The following MAPK10 variants were observed in gnomAD, a reference collection of about 807,000 sequenced individuals.
MAPK10 encodes the protein JNK3 alpha protein kinase.
In MAPK10, 25 loss-of-function variants were observed where a neutral mutation model predicts 59.3. The ratio of observed to expected loss-of-function variants is 0.42; its 90% confidence interval spans 0.31 to 0.59. The LOEUF is 0.59. Among genes scored for constraint, MAPK10 ranks in the 20% least tolerant of loss-of-function variants. The pLI, the probability that MAPK10 is intolerant of heterozygous loss-of-function variation, is 0.15. For synonymous variants in MAPK10, 190 were observed against 200.5 expected, an observed-to-expected ratio of 0.95 and a Z score of 0.44; for missense variants, 351 against 568.9, an observed-to-expected ratio of 0.62 and a Z score of 3.90.
intron 4 of MAPK10, chr4:86,107,553 G>C: frequency 8.4e-7 from 1 of 1,186,612 alleles, no homozygotes; most frequent in Non-Finnish European, 1.0e-6. Context: ...GGATGAAGAA[G>C]AGTTGGAGGA....
chr4:86,487,553 C>T (rs999650227), intron 1 of MAPK10, among the ~76,000 whole-genome samples: 1 of 151,862 alleles, frequency 6.6e-6, no homozygotes, highest in Admixed American at 6.6e-5. Flanking sequence ...CACAGTGAAA[C>T]CCCGTCTCTA....
chr4:86,409,187 G>T (rs1206561361), intron 1 of MAPK10, among the ~76,000 whole-genome samples: 1 of 152,126 alleles, frequency 6.6e-6, no homozygotes, highest in East Asian at 1.9e-4. Context: ...GTTTTTGTCA[G>T]ATTTGTCAAA....
At position 86,103,206 on chromosome 4, in the gene MAPK10, C is replaced by T. The variant is rs904589484; in HGVS notation, c.405G>A (p.Thr135=). ...SLLNVFTPQK[T]LEEFQDVYLV... ...CTTACACATCTTGGAACTCCTCCAG[C>T]GTTTTCTGGGGTGTGAAGACATTTA... is the stretch of plus-strand genomic sequence containing the variant. The change falls in exon 6 of 14, where the codon ACG becomes ACA. Residue 135 remains threonine, a synonymous_variant. Coordinates refer to ENST00000641462, the MANE Select transcript of MAPK10 (RefSeq NM_138982.4). 3 of 1,607,174 alleles carry T rather than the reference C, an allele frequency of 1.9e-6. No individual in the cohort carries two copies. Among genetic ancestry groups the T allele is most frequent in the African/African-American group, 1.3e-5 (1 of 74,462 alleles).
intron 1 of MAPK10, among the ~76,000 whole-genome samples, chr4:86,485,946 C>T (rs185455200): frequency 1.3e-4 from 20 of 152,258 alleles, no homozygotes; most frequent in South Asian, 4.1e-4. Flanking sequence ...AACTTCCAGC[C>T]GCCTGAGAAG....
At chr4:86,354,381 C>CT in intron 2 of MAPK10, 149 bp downstream of exon 2, 2 of 400,208 alleles carry the variant, frequency 5.0e-6, no homozygotes, top group Admixed American at 4.4e-5. Flanking sequence ...AACTATTAAA[C>CT]TTCTGTTCTA....
intron 1 of MAPK10, among the ~76,000 whole-genome samples, chr4:86,396,026 G>C (rs565247582): frequency 6.6e-6 from 1 of 152,322 alleles, no homozygotes; most frequent in South Asian, 2.1e-4. Context: ...GTGCAGGCAG[G>C]AGCCTTTTTT....
intron 1 of MAPK10, among the ~76,000 whole-genome samples, chr4:86,571,547 A>G (rs1009572329): frequency 1.1e-4 from 17 of 152,140 alleles, no homozygotes; most frequent in African/African-American, 4.1e-4. Flanking sequence ...GCATATGATC[A>G]AGTAACAATT....
intron 4 of MAPK10, among the ~76,000 whole-genome samples, chr4:86,139,509 T>C (rs1188998944): frequency 6.6e-6 from 1 of 151,778 alleles, no homozygotes; most frequent in Non-Finnish European, 1.5e-5. Context: ...GATCCCTTCC[T>C]TACACCTTAT....
Position 86,145,942 on chromosome 4 carries a change from A to G in MAPK10, c.236+13356T>C, listed in dbSNP as rs544944214. ...CCAAGAGCTCTTCTTTGCACCACCAATTTCACAGAAAAGGAGTCCGTCTAA... is the reference window on the plus strand; with the variant it reads ...CCAAGAGCTCTTCTTTGCACCACCAGTTTCACAGAAAAGGAGTCCGTCTAA... On this transcript the variant is annotated intron_variant, in intron 4 of 13. Transcript: ENST00000641462. Among the ~76,000 whole-genome samples, 87 of 152,322 alleles carry G rather than the reference A, an allele frequency of 5.7e-4. 1 individual carries two copies. The highest frequency in any genetic ancestry group is 1.9e-3 in the African/African-American group (81 of 41,572).
chr4:86,145,093 C>T (rs572536738), intron 4 of MAPK10, among the ~76,000 whole-genome samples: 11 of 152,252 alleles, frequency 7.2e-5, no homozygotes, highest in African/African-American at 2.4e-4. Context: ...GGCAATTTTA[C>T]AAAAATTACT....
intron 1 of MAPK10, chr4:86,358,407 T>C (rs372654048): frequency 4.8e-4 from 473 of 983,140 alleles, no homozygotes; most frequent in Middle Eastern, 2.6e-3. Flanking sequence ...CTGTAGTCTA[T>C]CCCATATGAC....
intron 4 of MAPK10, among the ~76,000 whole-genome samples, chr4:86,146,132 T>C (rs2064948595): frequency 6.6e-6 from 1 of 152,198 alleles, no homozygotes; most frequent in Non-Finnish European, 1.5e-5. Flanking sequence ...GTAGAGTGCA[T>C]AGAAATGGAT....
intron 2 of MAPK10, among the ~76,000 whole-genome samples, chr4:86,268,826 G>GC (rs2148764901): frequency 6.6e-6 from 1 of 152,144 alleles, no homozygotes; most frequent in East Asian, 1.9e-4. Context: ...ATGCATCATA[G>GC]CATGTATCAG....
At chr4:86,458,161 A>C (rs2149059688), upstream of MAPK10, among the ~76,000 whole-genome samples, 1 of 152,234 alleles carries the variant, frequency 6.6e-6, no homozygotes, top group East Asian at 1.9e-4. Context: ...TTAGCCAGGC[A>C]TGGTGGCATA....
intron 1 of MAPK10, among the ~76,000 whole-genome samples, chr4:86,492,088 G>T (rs1234774621): frequency 6.6e-6 from 1 of 152,186 alleles, no homozygotes; most frequent in Non-Finnish European, 1.5e-5. Flanking sequence ...GTTTGATTTA[G>T]ACATTCAGAT....
intron 4 of MAPK10, among the ~76,000 whole-genome samples, chr4:86,127,099 C>T (rs1277885319): frequency 6.6e-6 from 1 of 151,464 alleles, no homozygotes; most frequent in Non-Finnish European, 1.5e-5. Flanking sequence ...GAAAATCCTG[C>T]TTGTTGTATT....
At chr4:86,401,933 C>T (rs1415551238) in intron 1 of MAPK10, among the ~76,000 whole-genome samples, 1 of 152,032 alleles carries the variant, frequency 6.6e-6, no homozygotes, top group African/African-American at 2.4e-5. Flanking sequence ...GAAACTATCC[C>T]TCCTCCTCCC....
intron 1 of MAPK10, among the ~76,000 whole-genome samples, chr4:86,389,800 G>T (rs1435076980): frequency 6.6e-6 from 1 of 152,162 alleles, no homozygotes; most frequent in Non-Finnish European, 1.5e-5. Context: ...GAGGTACTGG[G>T]AGTTAGTAAG....
At chr4:86,358,616 C>T (rs1735710725) in intron 1 of MAPK10, 1 of 151,868 alleles carries the variant, frequency 6.6e-6, no homozygotes, top group African/African-American at 2.4e-5. Context: ...GGGAAGTTAT[C>T]TGTTTAAGGG....
Sources: gnomAD v4.1 joint callset for allele counts (sites outside exome capture counted in the v4.1 genomes callset) on GRCh38, gnomAD v4.1.1 for gene constraint, MANE v1.5 for transcripts, NCBI Gene and HGNC (gene_info 2026-07-23, HGNC 2026-07-21) for gene names.